The following ICA1L variants were observed in gnomAD, a reference collection of about 807,000 sequenced individuals.
ICA1L encodes islet cell autoantigen 1 like.
ICA1L carries 50 observed loss-of-function variants against 61.3 expected under a neutral mutation model. That is an observed-to-expected ratio of 0.82 (90% CI 0.65 to 1.03). The LOEUF (loss-of-function observed/expected upper bound fraction) is 1.03, where lower values mean the gene tolerates loss of function less well. Ranked by LOEUF, ICA1L falls within the 50% of genes least tolerant of loss-of-function variation. The pLI is 0.00. For missense variants in ICA1L, 508 were observed against 556.7 expected (o/e 0.91, Z 0.88); for synonymous variants, 161 against 191.3 (o/e 0.84, Z 1.31).
At chr2:202,814,566 C>G (rs1574347794) in intron 8 of ICA1L, 136 bp downstream of exon 8, 1 of 642,052 alleles carries the variant, frequency 1.6e-6, no homozygotes. Context: ...GACTATGATA[C>G]AAATGTTTAG....
rs559045073 is a variant in ICA1L at position 202,830,468 on chromosome 2, T to C, written c.-7-1452A>G. Among the ~76,000 whole-genome samples, 6 of 152,294 alleles carry C rather than the reference T, an allele frequency of 3.9e-5. No homozygotes were observed. In the East Asian group the frequency reaches 9.7e-4, roughly 25 times the overall value. Reference sequence around the variant, plus strand: ...TTATTCTTAACAAGGTTAACATGGCTATATAAGGAAATGCAGAGTGAAAAG... The same window carrying C: ...TTATTCTTAACAAGGTTAACATGGCCATATAAGGAAATGCAGAGTGAAAAG... On this transcript the variant is annotated intron_variant, in intron 1 of 12. Transcript: ENST00000358299.
chr2:202,836,727 T>A (rs2105867196), intron 1 of ICA1L, among the ~76,000 whole-genome samples: 1 of 151,678 alleles, frequency 6.6e-6, no homozygotes, highest in East Asian at 1.9e-4. Flanking sequence ...TTAGTCTTTA[T>A]AAGTTGGTAT....
At chr2:202,794,013 TA>T (rs1692839599) in intron 10 of ICA1L, among the ~76,000 whole-genome samples, 1 of 141,730 alleles carries the variant, frequency 7.1e-6, no homozygotes, top group Admixed American at 7.1e-5. Flanking sequence ...GCAAAAAGAG[TA>T]GTAAAATATT....
intron 3 of ICA1L, among the ~76,000 whole-genome samples, chr2:202,824,776 A>C (rs996245368): frequency 6.6e-6 from 1 of 152,228 alleles, no homozygotes; most frequent in African/African-American, 2.4e-5. Flanking sequence ...GAAGAGATCC[A>C]AAGATTGAGT....
Position 202,773,690 on chromosome 2 carries a change from A to G in ICA1L, c.*5843T>C. On this transcript the variant is annotated 3_prime_UTR_variant, in exon 13 of 13. Coordinates refer to ENST00000358299, the MANE Select transcript of ICA1L (RefSeq NM_001288622.3). ...AGATAGATGCCCAAGAGCTATCATT[A>G]ATATATACAGCATATTGACTCTAGT... 2 of 911,442 alleles carry G rather than the reference A, an allele frequency of 2.2e-6. No homozygotes were observed. The highest frequency in any genetic ancestry group is 3.5e-6 in the Non-Finnish European group (2 of 576,862). The allele number at this position is 911,442 out of a possible 1,614,324, so 56.5% of individuals were successfully genotyped here.
At chr2:202,840,118 CAAAAAA>C (rs71030994) in intron 1 of ICA1L, among the ~76,000 whole-genome samples, 1 of 87,192 alleles carries the variant, frequency 1.1e-5, no homozygotes, top group Non-Finnish European at 2.4e-5. Context: ...TATTTTGGAC[CAAAAAA>C]AAAAAAAAAG....
At chr2:202,797,321 C>G (rs936748920) in intron 9 of ICA1L, among the ~76,000 whole-genome samples, 9 of 152,064 alleles carry the variant, frequency 5.9e-5, no homozygotes, top group Non-Finnish European at 1.3e-4. Context: ...TGCCTGATCT[C>G]CATGCCTTGA....
intron 1 of ICA1L, among the ~76,000 whole-genome samples, chr2:202,829,535 G>A (rs1459441501): frequency 6.6e-6 from 1 of 151,982 alleles, no homozygotes; most frequent in African/African-American, 2.4e-5. Context: ...AGAATAATGT[G>A]GGCTCAAGCA....
chr2:202,847,703 A>ATATATATATATATATATATATG (rs11274512), intron 1 of ICA1L, among the ~76,000 whole-genome samples: 1,453 of 131,218 alleles, frequency 0.011, 67 homozygotes, highest in South Asian at 0.013. Flanking sequence ...AATTATATAT[A>ATATATATATATATATATATATG]TATATAGTTA....
rs776148707 is a variant in ICA1L, at chr2:202,828,879, G to A, written c.131C>T (p.Ala44Val). 3.7e-6 allele frequency: 6 copies of A among 1,613,788 alleles called. No homozygotes were observed. In the Admixed American group the frequency reaches 8.3e-5, roughly 22 times the overall value. ...TGKKEDEHLVASDAELDAKLE... is the reference protein window; with the variant it reads ...TGKKEDEHLVVSDAELDAKLE... ...TTTAGCATCCAGTTCAGCATCAGAC[G>A]CCACCAAGTGCTCATCCTCTTTTTT... Residue 44 changes from alanine to valine, a missense_variant, in exon 2 of 13, where the codon GCG becomes GTG. Ala to Val is a moderately conservative substitution (Grantham distance 64, BLOSUM62 0). Transcript: ENST00000358299.
chr2:202,801,019 G>GA (rs35647239), intron 9 of ICA1L, among the ~76,000 whole-genome samples: 125,369 of 151,724 alleles, frequency 0.83, 52,120 homozygotes, highest in Middle Eastern at 0.88. Context: ...TTGAATATAG[G>GA]AAAAAAAATA....
intron 2 of ICA1L, 25 bp from the exon 3 acceptor site, chr2:202,825,792 C>A (rs1379342895): frequency 7.0e-7 from 1 of 1,432,808 alleles, no homozygotes. Flanking sequence ...TTTATTAGGA[C>A]AATTTAAAGA....
At position 202,821,345 on chromosome 2, in the gene ICA1L, A is replaced by C; in HGVS notation, c.359+13T>G. The C allele has an allele frequency of 1.2e-6, 2 of 1,606,754 alleles. No homozygotes were observed. Among genetic ancestry groups the C allele is most frequent in the South Asian group, 2.2e-5 (2 of 89,290 alleles). ...TGACTACAGATTCAAGATAATGAACAACCATGGTAAACCTTTGCTTGGCTG... is the reference window on the plus strand; with the variant it reads ...TGACTACAGATTCAAGATAATGAACCACCATGGTAAACCTTTGCTTGGCTG... On this transcript the variant is annotated intron_variant, in intron 4 of 12. Transcript: ENST00000358299.
chr2:202,840,140 G>A (rs1694285603), intron 1 of ICA1L, among the ~76,000 whole-genome samples: 1 of 135,758 alleles, frequency 7.4e-6, no homozygotes, highest in Non-Finnish European at 1.5e-5. Context: ...AAAAGCGATT[G>A]AATTGTTTTG....
rs910303120 is a variant in ICA1L, at chr2:202,795,614, C to A, written c.985+1276G>T. Among the ~76,000 whole-genome samples the A allele has an allele frequency of 3.3e-5, 5 of 151,616 alleles. No homozygotes were observed. The East Asian group carries it at 5.8e-4, about 18-fold the overall frequency. On this transcript the variant is annotated intron_variant, in intron 10 of 12. Transcript: ENST00000358299. ...CCATCTCAAAAAAAAAGAAAAAAAACAACTATGTGGCACTGGTGCATGCAC... is the reference window on the plus strand; with the variant it reads ...CCATCTCAAAAAAAAAGAAAAAAAAAAACTATGTGGCACTGGTGCATGCAC...
chr2:202,819,603 T>C (rs1693638885), intron 5 of ICA1L, 98 bp downstream of exon 5: 6 of 965,884 alleles, frequency 6.2e-6, no homozygotes, highest in Non-Finnish European at 9.6e-6. Flanking sequence ...ATGAAACATA[T>C]ATTTACCAAA....
At chr2:202,861,483 GA>G (rs199999949) in intron 1 of ICA1L, among the ~76,000 whole-genome samples, 1 of 111,656 alleles carries the variant, frequency 9.0e-6, no homozygotes. Context: ...CCAAATACAA[GA>G]AAAAAAAATA....
intron 1 of ICA1L, among the ~76,000 whole-genome samples, chr2:202,860,411 T>C (rs967545859): frequency 7.2e-4 from 110 of 151,962 alleles, no homozygotes; most frequent in African/African-American, 2.5e-3. Flanking sequence ...AAAGCAGAGA[T>C]TGTAATACAG....
chr2:202,810,681 G>C (rs939301678), intron 9 of ICA1L, among the ~76,000 whole-genome samples: 1 of 152,202 alleles, frequency 6.6e-6, no homozygotes, highest in African/African-American at 2.4e-5. Context: ...GGTGAGGCAG[G>C]CAGAACAGAG....
Sources: allele counts gnomAD v4.1 joint callset (sites outside exome capture counted in the v4.1 genomes callset), GRCh38; gene constraint gnomAD v4.1.1; transcripts MANE v1.5; gene names NCBI Gene and HGNC (gene_info 2026-07-23, HGNC 2026-07-21).